PDE4D: variants seen among roughly 807,000 people sequenced by gnomAD.
The protein encoded by PDE4D is 3',5'-cyclic-AMP phosphodiesterase 4D.
A neutral mutation model predicts 87.4 loss-of-function variants in PDE4D; 24 were observed. That is an observed-to-expected ratio of 0.27 (90% confidence interval 0.20 to 0.39). PDE4D has a LOEUF of 0.39. PDE4D is among the 10% of genes least tolerant of loss of function. The pLI, the probability that PDE4D is intolerant of heterozygous loss-of-function variation, is 1.00. For missense variants in PDE4D, 714 were observed against 1,041.0 expected (o/e 0.69, Z 4.32); for synonymous variants, 384 against 383.2 (o/e 1.00, Z -0.02).
intron 2 of PDE4D, among the ~76,000 whole-genome samples, chr5:59,996,456 T>C (rs1327595548): frequency 6.6e-6 from 1 of 152,210 alleles, no homozygotes; most frequent in African/African-American, 2.4e-5. Flanking sequence ...ATTATCACAG[T>C]GGATTAAAAG....
chr5:59,747,174 C>G (rs763549862), intron 1 of PDE4D, among the ~76,000 whole-genome samples: 22 of 152,132 alleles, frequency 1.4e-4, no homozygotes, highest in Non-Finnish European at 1.5e-4. Context: ...AAGCGTCTCT[C>G]CCTACCTTCT....
intron 1 of PDE4D, among the ~76,000 whole-genome samples, chr5:59,580,163 G>T (rs1041375482): frequency 6.6e-6 from 1 of 152,150 alleles, no homozygotes; most frequent in Non-Finnish European, 1.5e-5. Context: ...AGAACAATAT[G>T]GTGGATTAAA....
chr5:60,024,898 G>GA (rs34871461), intron 2 of PDE4D, among the ~76,000 whole-genome samples: 30 of 148,454 alleles, frequency 2.0e-4, no homozygotes, highest in Middle Eastern at 3.5e-3. Context: ...AACAAGCAGA[G>GA]AAAAAAAAAA....
intron 1 of PDE4D, among the ~76,000 whole-genome samples, chr5:60,380,252 T>A (rs1381441609): frequency 6.6e-6 from 1 of 152,220 alleles, no homozygotes; most frequent in African/African-American, 2.4e-5. Flanking sequence ...GTATCCTAGC[T>A]GGCCTCTCTG....
chr5:59,580,646 T>TAG (rs1369745124), intron 1 of PDE4D, among the ~76,000 whole-genome samples: 7 of 151,914 alleles, frequency 4.6e-5, no homozygotes, highest in Non-Finnish European at 8.8e-5. Context: ...TTTAAAAAAA[T>TAG]AGAGAGAGAG....
At chr5:60,399,738 T>A (rs974164775) in intron 1 of PDE4D, among the ~76,000 whole-genome samples, 2 of 152,244 alleles carry the variant, frequency 1.3e-5, no homozygotes, top group Non-Finnish European at 2.9e-5. Flanking sequence ...GCCGGCCCCA[T>A]GCCCAGTGTT....
At chr5:59,373,475 C>G (rs185624994) in intron 1 of PDE4D, among the ~76,000 whole-genome samples, 123 of 151,978 alleles carry the variant, frequency 8.1e-4, no homozygotes, top group African/African-American at 2.8e-3. Flanking sequence ...GACAGTCAGA[C>G]AAGAATAGAG....
chr5:59,318,389 GA>G (rs2153569975), intron 1 of PDE4D, among the ~76,000 whole-genome samples: 1 of 152,212 alleles, frequency 6.6e-6, no homozygotes, highest in East Asian at 1.9e-4. Context: ...AAATGGAAAG[GA>G]TATGAGACTG....
intron 1 of PDE4D, among the ~76,000 whole-genome samples, chr5:60,509,097 A>C (rs1029008230): frequency 6.6e-6 from 1 of 152,000 alleles, no homozygotes; most frequent in Non-Finnish European, 1.5e-5. Context: ...ATGGGGTTGC[A>C]CCATGTTGGC....
chr5:59,083,718 C>T (rs1357775662), intron 5 of PDE4D, among the ~76,000 whole-genome samples: 1 of 151,954 alleles, frequency 6.6e-6, no homozygotes, highest in Non-Finnish European at 1.5e-5. Flanking sequence ...TCTGTTTCTT[C>T]TGGAAAGCAG....
chr5:59,206,706 T>C, intron 2 of PDE4D, among the ~76,000 whole-genome samples: 1 of 152,220 alleles, frequency 6.6e-6, no homozygotes, highest in East Asian at 1.9e-4. Flanking sequence ...AATGATACCC[T>C]GGCATGGAGT....
intron 1 of PDE4D, among the ~76,000 whole-genome samples, chr5:59,557,653 TGATGTATCCTTC>T (rs1819192271): frequency 6.6e-6 from 1 of 152,196 alleles, no homozygotes; most frequent in Non-Finnish European, 1.5e-5. Context: ...CAACTGTAGG[TGATGTATCCTTC>T]TTTTAGTTGC....
chr5:59,106,628 C>T (rs1481239483), intron 5 of PDE4D, among the ~76,000 whole-genome samples: 8 of 152,116 alleles, frequency 5.3e-5, no homozygotes, highest in African/African-American at 1.9e-4. Context: ...GGCGTGGTGG[C>T]GCATGACTGT....
At chr5:60,365,107 C>T (rs2149966257) in intron 1 of PDE4D, among the ~76,000 whole-genome samples, 1 of 152,064 alleles carries the variant, frequency 6.6e-6, no homozygotes, top group Admixed American at 6.5e-5. Flanking sequence ...GAGAAGCTTC[C>T]CACTCAACTT....
At chr5:59,548,349 G>A (rs1306998247) in intron 1 of PDE4D, among the ~76,000 whole-genome samples, 4 of 151,946 alleles carry the variant, frequency 2.6e-5, no homozygotes, top group East Asian at 1.9e-4. Flanking sequence ...TGACAACAAG[G>A]GACTCCAACT....
At chr5:60,350,096 A>C (rs1346820923) in intron 1 of PDE4D, among the ~76,000 whole-genome samples, 1 of 152,196 alleles carries the variant, frequency 6.6e-6, no homozygotes, top group Non-Finnish European at 1.5e-5. Flanking sequence ...CAGCACCCTG[A>C]AAATATTACC....
At chr5:59,353,102 C>T (rs1780781065) in intron 1 of PDE4D, among the ~76,000 whole-genome samples, 1 of 152,170 alleles carries the variant, frequency 6.6e-6, no homozygotes, top group South Asian at 2.1e-4. Context: ...CTTCTATTTA[C>T]ATAGTACCTA....
At chr5:59,223,322 C>T (rs1389462049) in intron 1 of PDE4D, among the ~76,000 whole-genome samples, 1 of 152,186 alleles carries the variant, frequency 6.6e-6, no homozygotes, top group African/African-American at 2.4e-5. Flanking sequence ...TGAGCAGAAA[C>T]AGTCCTTCAG....
At chr5:60,394,231 T>A (rs1034240356) in intron 1 of PDE4D, among the ~76,000 whole-genome samples, 1 of 152,228 alleles carries the variant, frequency 6.6e-6, no homozygotes, top group African/African-American at 2.4e-5. Context: ...AAGAATTTTT[T>A]GGCACAAATG....
Sources: allele counts gnomAD v4.1 joint callset (sites outside exome capture counted in the v4.1 genomes callset), GRCh38; gene constraint gnomAD v4.1.1; transcripts MANE v1.5; gene names NCBI Gene and HGNC (gene_info 2026-07-23, HGNC 2026-07-21).